Variants in ANKRD50 observed in about 807,000 individuals in gnomAD.
ANKRD50 encodes the protein ankyrin repeat domain-containing protein 50.
ANKRD50 carries 40 observed loss-of-function variants against 112.0 expected under a neutral mutation model. That is an observed-to-expected ratio of 0.36 (90% CI 0.28 to 0.46). The LOEUF (loss-of-function observed/expected upper bound fraction) is 0.46, where lower values mean the gene tolerates loss of function less well. ANKRD50 is among the 20% of genes least tolerant of loss of function. The pLI is 1.00. For synonymous variants in ANKRD50, 613 were observed against 619.1 expected (o/e 0.99, Z 0.15); for missense variants, 1,487 against 1,701.7 (o/e 0.87, Z 2.22).
At chr4:124,705,026 G>A (rs545355838) in intron 2 of ANKRD50, among the ~76,000 whole-genome samples, 6 of 152,126 alleles carry the variant, frequency 3.9e-5, no homozygotes, top group African/African-American at 1.2e-4. Context: ...CCCGAGAGGC[G>A]GAGCTTGTAG....
intron 2 of ANKRD50, among the ~76,000 whole-genome samples, chr4:124,696,206 A>C (rs1725248603): frequency 1.3e-5 from 2 of 152,088 alleles, no homozygotes; most frequent in South Asian, 4.1e-4. Flanking sequence ...ATAAAATTCC[A>C]TTCTAGAACC....
At position 124,671,319 on chromosome 4, in the gene ANKRD50, C is replaced by G. The variant is rs1455792689; in HGVS notation, c.1958G>C (p.Trp653Ser). 3 of 1,613,688 alleles carry G rather than the reference C, an allele frequency of 1.9e-6. No homozygotes were observed. The highest frequency in any genetic ancestry group is 2.7e-5 in the African/African-American group (2 of 74,868). ...DSRTALRAAA[W>S]GGHEDIVLNL... Reference sequence around the variant, plus strand: ...CAGTACAATATCCTCGTGTCCTCCCCATGCTGCTGCTCTCAAAGCTGTTCG... The same window carrying G: ...CAGTACAATATCCTCGTGTCCTCCCGATGCTGCTGCTCTCAAAGCTGTTCG... Residue 653 changes from tryptophan to serine, a missense_variant, in exon 4 of 5, where the codon TGG (tryptophan) becomes TCG (serine). Physicochemically the swap from Trp to Ser is radical, Grantham distance 177. This residue lies in a region of ANKRD50 where 1,046 missense variants were observed against 1,269.5 expected (regional missense o/e 0.82). Coordinates refer to ENST00000504087, the MANE Select transcript of ANKRD50 (RefSeq NM_020337.3).
chr4:124,704,324 G>A (rs1423201294), intron 2 of ANKRD50, among the ~76,000 whole-genome samples: 1 of 152,176 alleles, frequency 6.6e-6, no homozygotes, highest in Non-Finnish European at 1.5e-5. Context: ...ATTTTGCCTT[G>A]AAAACATACA....
chr4:124,676,607 A>C (rs1172973718), intron 3 of ANKRD50, among the ~76,000 whole-genome samples: 2 of 151,690 alleles, frequency 1.3e-5, no homozygotes, highest in Non-Finnish European at 3.0e-5. Context: ...GATTTTACAG[A>C]TTATTCAAGT....
At position 124,669,787 on chromosome 4, in the gene ANKRD50, G is replaced by A; in HGVS notation, c.3490C>T (p.Pro1164Ser). ...PNGPTHAFSS[P>S]SESPDSTVDR... ...ACTGTAGAATCTGGAGATTCTGAAGGAGAACTAAAAGCATGAGTAGGCCCA... is the reference window on the plus strand; with the variant it reads ...ACTGTAGAATCTGGAGATTCTGAAGAAGAACTAAAAGCATGAGTAGGCCCA... Residue 1164 changes from proline (P) to serine (S), a missense_variant, in exon 4 of 5, where the codon CCT (proline) becomes TCT (serine). Pro to Ser is a moderately conservative substitution (Grantham distance 74, BLOSUM62 -1). This residue lies in a region of ANKRD50 where 441 missense variants were observed against 432.2 expected (regional missense o/e 1.02). Coordinates refer to ENST00000504087, the MANE Select transcript of ANKRD50 (RefSeq NM_020337.3). 14 of 1,613,194 alleles carry A rather than the reference G, an allele frequency of 8.7e-6. No individual in the cohort carries two copies. Among genetic ancestry groups the A allele is most frequent in the Non-Finnish European group, 1.2e-5 (14 of 1,179,708 alleles).
At position 124,675,536 on chromosome 4, in the gene ANKRD50, T is replaced by C. The variant is rs141446413; in HGVS notation, c.743-3002A>G. On this transcript the variant is annotated intron_variant, in intron 3 of 4. Transcript: ENST00000504087. The stretch of plus-strand genomic sequence containing the variant: ...AAATTTAAAAAGCAGAAAATCAAAT[T>C]GATATATAGCATGATCTCAACTAGG... Among the ~76,000 whole-genome samples, 649 of 151,770 alleles carry C rather than the reference T, an allele frequency of 4.3e-3. 6 individuals carry two copies. The highest frequency in any genetic ancestry group is 0.015 in the African/African-American group (625 of 41,486).
At chr4:124,692,935 C>T (rs753490640) in intron 2 of ANKRD50, among the ~76,000 whole-genome samples, 15 of 152,270 alleles carry the variant, frequency 9.9e-5, no homozygotes, top group Middle Eastern at 3.4e-3. Flanking sequence ...ATCCCTCACC[C>T]AAATCCTGTA....
chr4:124,683,294 A>G (rs1280482373), intron 2 of ANKRD50, among the ~76,000 whole-genome samples: 1 of 151,262 alleles, frequency 6.6e-6, no homozygotes, highest in Non-Finnish European at 1.5e-5. Context: ...TATACAATAC[A>G]TATATTAATA....
chr4:124,677,986 G>A (rs2082993377), intron 3 of ANKRD50, among the ~76,000 whole-genome samples: 1 of 152,160 alleles, frequency 6.6e-6, no homozygotes, highest in African/African-American at 2.4e-5. Flanking sequence ...AATGCCATAT[G>A]TGGAAACCAA....
rs114002268 is a variant in ANKRD50 at position 124,710,697 on chromosome 4, G to C, written c.-186C>G. Reference sequence around the variant, plus strand: ...TGACTTTATTTGGTTCCTTATTCTTGATCAGCAGTCTATGTATTAGTTGTT... The same window carrying C: ...TGACTTTATTTGGTTCCTTATTCTTCATCAGCAGTCTATGTATTAGTTGTT... On this transcript the variant is annotated 5_prime_UTR_variant, in exon 2 of 5. It adds an upstream start codon to the 5' untranslated region. Transcript: ENST00000504087. 2 of 690,982 alleles carry C rather than the reference G, an allele frequency of 2.9e-6. No individual in the cohort carries two copies. Among genetic ancestry groups the C allele is most frequent in the Non-Finnish European group, 4.8e-6 (2 of 418,196 alleles). 42.8% of individuals were successfully genotyped at this position (690,982 alleles called of 1,614,324 possible).
At chr4:124,711,641 T>C (rs1445253416) in intron 1 of ANKRD50, among the ~76,000 whole-genome samples, 3 of 152,100 alleles carry the variant, frequency 2.0e-5, no homozygotes, top group African/African-American at 4.8e-5. Flanking sequence ...GGAAGCTCTA[T>C]TAACTTACAC....
chr4:124,672,552 A>G lies in ANKRD50; in HGVS notation c.743-18T>C. On this transcript the variant is annotated intron_variant, in intron 3 of 4. Transcript: ENST00000504087. ...TCGAAAACCTAAAGAAGAGATAAAAAAGTAGATGTAATCAGTTGAAAAGGA... is the reference window on the plus strand; with the variant it reads ...TCGAAAACCTAAAGAAGAGATAAAAGAGTAGATGTAATCAGTTGAAAAGGA... 23 of 1,518,672 alleles carry G rather than the reference A, an allele frequency of 1.5e-5. No individual in the cohort carries two copies. Among genetic ancestry groups the G allele is most frequent in the Non-Finnish European group, 2.0e-5 (22 of 1,124,166 alleles). 94.1% of individuals were successfully genotyped at this position (1,518,672 alleles called of 1,614,324 possible). A position where few individuals can be genotyped will look rare whatever the true frequency, so the allele number is the denominator to read the frequency against.
intron 2 of ANKRD50, among the ~76,000 whole-genome samples, chr4:124,686,233 GA>G (rs1725004423): frequency 6.6e-6 from 1 of 152,140 alleles, no homozygotes; most frequent in Non-Finnish European, 1.5e-5. Flanking sequence ...TTGTTTCTAT[GA>G]AACATCAGGT....
Position 124,670,099 on chromosome 4 carries a change from C to G in ANKRD50, c.3178G>C (p.Val1060Leu). The G allele has an allele frequency of 6.2e-7, 1 of 1,613,474 alleles. No homozygotes were observed. The highest frequency in any genetic ancestry group is 8.5e-7 in the Non-Finnish European group (1 of 1,179,754). ...CCATGCTCTAATAAGACCTGAACAA[C>G]ATCAATGTGCCCTTCCTGGGCTGCA... Reference protein sequence around the residue: ...CIAAQEGHIDVVQVLLEHGAD... With the variant: ...CIAAQEGHIDLVQVLLEHGAD... Residue 1060 changes from valine to leucine, a missense_variant, in exon 4 of 5, where the codon GTT becomes CTT. Coordinates refer to ENST00000504087, the MANE Select transcript of ANKRD50 (RefSeq NM_020337.3).
rs1172080389 is a variant in ANKRD50, at chr4:124,671,184, T to C, written c.2093A>G (p.Asp698Gly). 7.4e-6 allele frequency: 12 copies of C among 1,613,758 alleles called. No homozygotes were observed. The highest frequency in any genetic ancestry group is 9.3e-6 in the Non-Finnish European group (11 of 1,179,856). Residue 698 changes from aspartate to glycine, a missense_variant, in exon 4 of 5, where the codon GAC (aspartate) becomes GGC (glycine). Physicochemically the swap from Asp to Gly is moderately conservative, Grantham distance 94. Around this residue, in one of 2 missense-constraint regions of ANKRD50, gnomAD observed 1,046 missense variants for 1,269.5 expected, o/e 0.82. Transcript: ENST00000504087. ...CTCATGATTTACTTCTGCTCCATGG[T>C]CCAGTAGGTGTTCCACAATCTCTCT... Reference protein sequence around the residue: ...GHREIVEHLLDHGAEVNHEDV... With the variant: ...GHREIVEHLLGHGAEVNHEDV...
intron 2 of ANKRD50, among the ~76,000 whole-genome samples, chr4:124,686,398 GTTCACACTCGCTTGCTGCCT>G (rs1329584570): frequency 6.6e-6 from 1 of 152,098 alleles, no homozygotes; most frequent in Non-Finnish European, 1.5e-5. Context: ...GATAAAGAGC[GTTCACACTCGCTTGCTGCCT>G]TTTCTCTACT....
In ANKRD50 at chr4:124,667,219, C is replaced by G. The variant is rs1730515069; in HGVS notation, c.*299G>C. The G allele has an allele frequency of 2.0e-5, 3 of 151,980 alleles. No individual in the cohort carries two copies. The highest frequency in any genetic ancestry group is 2.0e-4 in the Admixed American group (3 of 15,224). The allele number at this position is 151,980 out of a possible 1,614,324, so 9.4% of individuals were successfully genotyped here. Reference sequence around the variant, plus strand: ...TTATCACATCTTAACTTAAAATACTCAAATTTTCTTTTCAGCTTTTATCAG... The same window carrying G: ...TTATCACATCTTAACTTAAAATACTGAAATTTTCTTTTCAGCTTTTATCAG... On this transcript the variant is annotated 3_prime_UTR_variant, in exon 5 of 5. Coordinates refer to ENST00000504087, the MANE Select transcript of ANKRD50 (RefSeq NM_020337.3).
chr4:124,668,363 AT>A (rs1372720062), intron 4 of ANKRD50, among the ~76,000 whole-genome samples: 26 of 152,192 alleles, frequency 1.7e-4, no homozygotes, highest in African/African-American at 6.3e-4. Flanking sequence ...ATCTGTCATC[AT>A]AAAAACTACC....
At position 124,669,277 on chromosome 4, in the gene ANKRD50, A is replaced by G; in HGVS notation, c.4000T>C (p.Ser1334Pro). 6.2e-7 allele frequency: 1 copy of G among 1,613,784 alleles called. No homozygotes were observed. Among genetic ancestry groups the G allele is most frequent in the Non-Finnish European group, 8.5e-7 (1 of 1,179,822 alleles). The change falls in exon 4 of 5, where the codon TCA (serine) becomes CCA (proline). Residue 1334 changes from serine to proline, a missense_variant. This residue lies in a region of ANKRD50 where 441 missense variants were observed against 432.2 expected (regional missense o/e 1.02). Coordinates refer to ENST00000504087, the MANE Select transcript of ANKRD50 (RefSeq NM_020337.3). The part of the protein sequence containing the change: ...AESQCKIMIP[S>P]AQQEIGRSQQ... ...GATCGACCAATTTCCTGCTGAGCTGAAGGTATCATAATTTTGCATTGAGAT... is the reference window on the plus strand; with the variant it reads ...GATCGACCAATTTCCTGCTGAGCTGGAGGTATCATAATTTTGCATTGAGAT...
Sources: allele counts gnomAD v4.1 joint callset (sites outside exome capture counted in the v4.1 genomes callset), GRCh38; gene constraint gnomAD v4.1.1; regional missense constraint gnomAD v4.1.1; transcripts MANE v1.5; gene names NCBI Gene and HGNC (gene_info 2026-07-23, HGNC 2026-07-21).